The following CACNA1C variants were observed in gnomAD, a reference collection of about 807,000 sequenced individuals.
CACNA1C encodes voltage-dependent L-type calcium channel subunit alpha-1C.
Under a neutral mutation model 229.0 loss-of-function variants are expected in CACNA1C, and 30 were observed. The ratio of observed to expected loss-of-function variants is 0.13; its 90% CI spans 0.10 to 0.18. CACNA1C has a LOEUF of 0.18. Among genes scored for constraint, CACNA1C ranks in the 10% least tolerant of loss-of-function variants. The pLI, the probability that CACNA1C is intolerant of heterozygous loss-of-function variation, is 1.00. For synonymous variants in CACNA1C, 1,114 were observed against 1,132.5 expected (o/e 0.98, Z 0.33); for missense variants, 1,658 against 2,845.0 (o/e 0.58, Z 9.49).
Position 2,486,672 on chromosome 12 carries a change from G to C in CACNA1C, c.916+410G>C, listed in dbSNP as rs2099698982. Reference sequence around the variant, plus strand: ...TGGCCATTGGGAGCCCTTTCACGGGGCCGCTTAGCCCTGAGCAACAGGTTC... The same window carrying C: ...TGGCCATTGGGAGCCCTTTCACGGGCCCGCTTAGCCCTGAGCAACAGGTTC... On this transcript the variant is annotated intron_variant, in intron 6 of 46. Transcript: ENST00000399655. The surrounding 1 kb of genome is among the most constrained non-coding windows in gnomAD (Gnocchi z 4.9). Among the ~76,000 whole-genome samples the C allele has an allele frequency of 6.6e-6, 1 of 152,184 alleles. No homozygotes were observed. The highest frequency in any genetic ancestry group is 2.1e-4 in the South Asian group (1 of 4,830).
rs1001846613 is a variant in CACNA1C at position 2,693,845 on chromosome 12, C to T, written c.*2646C>T. ...AAATCTCTTCCAGTCCTAGTGTTCC[C>T]TGAGCCCCTCTTGGCACATATATAA... On this transcript the variant is annotated 3_prime_UTR_variant, in exon 47 of 47. Transcript: ENST00000399655. 2 of 152,210 alleles carry T rather than the reference C, an allele frequency of 1.3e-5. No homozygotes were observed. The highest frequency in any genetic ancestry group is 4.8e-5 in the African/African-American group (2 of 41,434). 9.4% of individuals were successfully genotyped at this position (152,210 alleles called of 1,614,324 possible).
rs952656445 is a variant in CACNA1C, at chr12:2,630,076, G to A, written c.3829-4221G>A. On this transcript the variant is annotated intron_variant, in intron 29 of 46. Transcript: ENST00000399655. The surrounding 1 kb of genome is among the most constrained non-coding windows in gnomAD (Gnocchi z 5.4). ...AAACGCTTTCCCTTCTGGGCAGCCC[G>A]CCCTGCGTGGCTCTGAGGAGCTGGA... is the stretch of plus-strand genomic sequence containing the variant. Among the ~76,000 whole-genome samples the A allele has an allele frequency of 6.6e-6, 1 of 152,214 alleles. No homozygotes were observed. Among genetic ancestry groups the A allele is most frequent in the Non-Finnish European group, 1.5e-5 (1 of 68,026 alleles).
At chr12:2,355,955 G>A (rs1459949774) in intron 3 of CACNA1C, among the ~76,000 whole-genome samples, 2 of 152,194 alleles carry the variant, frequency 1.3e-5, no homozygotes, top group Non-Finnish European at 2.9e-5. Flanking sequence ...ACAGCTGCTT[G>A]CATCTTGCCC....
In CACNA1C at chr12:2,677,604, G is replaced by A. The variant is rs758694102; in HGVS notation, c.4957-129G>A. 57 of 1,066,108 alleles carry A rather than the reference G, an allele frequency of 5.3e-5. No individual in the cohort carries two copies. Among genetic ancestry groups the A allele is most frequent in the Non-Finnish European group, 6.8e-5 (49 of 725,264 alleles). 66.0% of individuals were successfully genotyped at this position (1,066,108 alleles called of 1,614,324 possible). The stretch of plus-strand genomic sequence containing the variant: ...CAGTTCACACACACACAAACCTTCC[G>A]GAGGGTCGACTGGCTGGGTGGAGGA... On this transcript the variant is annotated intron_variant, in intron 40 of 46. Transcript: ENST00000399655. The surrounding 1 kb of genome is among the most constrained non-coding windows in gnomAD (Gnocchi z 7.4).
At chr12:2,606,872 G>A in intron 25 of CACNA1C, 112 bp from the exon 26 acceptor site, 3 of 1,278,652 alleles carry the variant, frequency 2.3e-6, no homozygotes, top group Non-Finnish European at 3.3e-6. Context: ...GGCTAGAACG[G>A]TGAAGTTCAA....
intron 15 of CACNA1C, 40 bp downstream of exon 15, chr12:2,582,982 C>G (rs1302975783): frequency 1.4e-6 from 2 of 1,446,594 alleles, no homozygotes; most frequent in South Asian, 2.5e-5. Flanking sequence ...CGGCCCCCAG[C>G]CCCCAGCCTG....
chr12:2,210,913 C>T (rs1055710082), intron 3 of CACNA1C, among the ~76,000 whole-genome samples: 12 of 152,012 alleles, frequency 7.9e-5, no homozygotes, highest in Non-Finnish European at 1.6e-4. Context: ...GTATTTTGTG[C>T]CACAGAGAAG....
At chr12:2,399,208 G>C (rs1316157937) in intron 3 of CACNA1C, among the ~76,000 whole-genome samples, 2 of 152,154 alleles carry the variant, frequency 1.3e-5, no homozygotes, top group Non-Finnish European at 2.9e-5. Context: ...GGTTGCCTGT[G>C]ACCTCTAGAG....
chr12:2,048,145 G>A (rs1368183031), upstream of CACNA1C, among the ~76,000 whole-genome samples: 4 of 152,164 alleles, frequency 2.6e-5, no homozygotes, highest in Admixed American at 2.6e-4. Context: ...CCTTCCAGAG[G>A]CTCCACAAAT....
chr12:2,171,708 G>T (rs537332856), intron 3 of CACNA1C, among the ~76,000 whole-genome samples: 1 of 152,252 alleles, frequency 6.6e-6, no homozygotes, highest in African/African-American at 2.4e-5. Flanking sequence ...AGGAAGAGAG[G>T]GAAAAATGAA....
Position 2,512,936 on chromosome 12 carries a change from G to A in CACNA1C, c.1342G>A (p.Asp448Asn), listed in dbSNP as rs786205746. The change falls in exon 9 of 47, where the codon GAT (aspartate) becomes AAT (asparagine). Residue 448 changes from aspartate to asparagine, a missense_variant. This residue lies in a region of CACNA1C where 149 missense variants were observed against 194.2 expected (regional missense o/e 0.77). Transcript: ENST00000399655. The surrounding 1 kb of genome is among the most constrained non-coding windows in gnomAD (Gnocchi z 4.3). Reference protein sequence around the residue: ...LDWITQAEDIDPENEDEGMDE... With the variant: ...LDWITQAEDINPENEDEGMDE... ...TTGGATCACTCAGGCCGAAGACATC[G>A]ATCCTGAGAATGAGGACGAAGGCAT... 5.6e-6 allele frequency: 9 copies of A among 1,611,310 alleles called. No homozygotes were observed. Among genetic ancestry groups the A allele is most frequent in the Admixed American group, 1.7e-5 (1 of 59,728 alleles).
At chr12:2,021,883 TCC>T (rs2046524674) in intron 1 of CACNA1C, among the ~76,000 whole-genome samples, 1 of 152,298 alleles carries the variant, frequency 6.6e-6, no homozygotes, top group South Asian at 2.1e-4. Context: ...AGGCTCCACC[TCC>T]CAACATTATT....
At chr12:2,390,704 A>G (rs377105740) in intron 3 of CACNA1C, among the ~76,000 whole-genome samples, 15 of 152,242 alleles carry the variant, frequency 9.9e-5, no homozygotes, top group Admixed American at 8.5e-4. Flanking sequence ...AGGAGAGGGA[A>G]TGTGTGCCAA....
At chr12:2,284,258 C>T (rs558243845) in intron 3 of CACNA1C, among the ~76,000 whole-genome samples, 83 of 149,354 alleles carry the variant, frequency 5.6e-4, no homozygotes, top group Non-Finnish European at 6.6e-4. Flanking sequence ...ATTTTACCCA[C>T]GGAAAAAGCT....
At chr12:2,386,733 G>A (rs2098398622) in intron 3 of CACNA1C, among the ~76,000 whole-genome samples, 1 of 152,158 alleles carries the variant, frequency 6.6e-6, no homozygotes, top group Non-Finnish European at 1.5e-5. Flanking sequence ...ACCCCCATTA[G>A]ACACTAAGCA....
intron 26 of CACNA1C, 98 bp downstream of exon 26, chr12:2,607,228 T>C: frequency 7.8e-7 from 1 of 1,281,500 alleles, no homozygotes; most frequent in Non-Finnish European, 1.1e-6. Flanking sequence ...CCGCACTCCC[T>C]CTGGAGGTCA....
rs867456818 is a variant in CACNA1C, at chr12:2,653,558, G to A, written c.4075-277G>A. ...CACCGCACATGTGTAGTCGGAGGAG[G>A]TTTTGCTCGTTCTTGATTGTTTTGC... On this transcript the variant is annotated intron_variant, in intron 32 of 46. Transcript: ENST00000399655. This position sits in a 1 kb window ranked among gnomAD's most constrained non-coding sequence, Gnocchi z 4.7. Among the ~76,000 whole-genome samples, 3 of 152,234 alleles carry A rather than the reference G, an allele frequency of 2.0e-5. No individual in the cohort carries two copies. Among genetic ancestry groups the A allele is most frequent in the Admixed American group, 6.5e-5 (1 of 15,296 alleles).
intron 7 of CACNA1C, among the ~76,000 whole-genome samples, chr12:2,496,598 G>C (rs897604466): frequency 6.6e-6 from 1 of 151,154 alleles, no homozygotes; most frequent in African/African-American, 2.4e-5. Context: ...TCTAACATCC[G>C]TTATTGCATT....
intron 1 of CACNA1C, among the ~76,000 whole-genome samples, chr12:2,066,251 G>T (rs2059214266): frequency 6.6e-6 from 1 of 152,064 alleles, no homozygotes; most frequent in Admixed American, 6.5e-5. Flanking sequence ...CATGCACGCA[G>T]AATTAGAGTT....
Sources: gnomAD v4.1 joint callset for allele counts (sites outside exome capture counted in the v4.1 genomes callset) on GRCh38, gnomAD v4.1.1 for gene constraint, gnomAD v4.1.1 regional missense constraint, Gnocchi (gnomAD v3.1) non-coding constraint, MANE v1.5 for transcripts, NCBI Gene and HGNC (gene_info 2026-07-23, HGNC 2026-07-21) for gene names.